The following AKAP11 variants were observed in gnomAD, a reference collection of about 807,000 sequenced individuals.
AKAP11 encodes A-kinase anchor protein 11.
In AKAP11, 36 loss-of-function variants were observed where a neutral mutation model predicts 146.1. That is an observed-to-expected ratio of 0.25 (90% confidence interval 0.19 to 0.33). The LOEUF (loss-of-function observed/expected upper bound fraction) is 0.33. AKAP11 is among the 10% of genes least tolerant of loss of function. The pLI, the probability that AKAP11 is intolerant of heterozygous loss-of-function variation, is 1.00. For synonymous variants in AKAP11, 780 were observed against 786.5 expected (o/e 0.99, Z 0.14); for missense variants, 2,201 against 2,197.0 (o/e 1.00, Z -0.04).
chr13:42,278,403 AG>A (rs1014369146), intron 1 of AKAP11, among the ~76,000 whole-genome samples: 2 of 152,168 alleles, frequency 1.3e-5, no homozygotes. Flanking sequence ...ATTTGCAAAA[AG>A]GGGGATAACA....
intron 4 of AKAP11, among the ~76,000 whole-genome samples, 178 bp from the exon 5 acceptor site, chr13:42,295,517 C>T (rs1035486738): frequency 6.6e-6 from 1 of 152,056 alleles, no homozygotes; most frequent in African/African-American, 2.4e-5. Flanking sequence ...GGTTTAAGAA[C>T]TGCGTTTTGG....
At chr13:42,280,537 C>G (rs118061276) in intron 1 of AKAP11, among the ~76,000 whole-genome samples, 6 of 152,258 alleles carry the variant, frequency 3.9e-5, no homozygotes, top group Non-Finnish European at 7.4e-5. Context: ...GAACTTTGTT[C>G]TTTAAATATG....
chr13:42,292,550 T>C, intron 4 of AKAP11, 49 bp downstream of exon 4: 1 of 1,144,794 alleles, frequency 8.7e-7, no homozygotes, highest in South Asian at 1.7e-5. Context: ...CACAGCATAT[T>C]TTCATGCATC....
chr13:42,306,286 C>T (rs1165178137), intron 8 of AKAP11, among the ~76,000 whole-genome samples: 1 of 152,080 alleles, frequency 6.6e-6, no homozygotes, highest in East Asian at 1.9e-4. Context: ...GGCTATTTTA[C>T]TTTTTACTCC....
At position 42,321,579 on chromosome 13, in the gene AKAP11, C is replaced by T. The variant is rs961198161; in HGVS notation, c.*2351C>T. ...TGTGAAAACAAGTGTCAAAATTCCT[C>T]ATATAGAGAAAATAATTTTGAGTTT... On this transcript the variant is annotated 3_prime_UTR_variant, in exon 13 of 13. Coordinates refer to ENST00000025301, the MANE Select transcript of AKAP11 (RefSeq NM_016248.4). 3 of 152,202 alleles carry T rather than the reference C, an allele frequency of 2.0e-5. No individual in the cohort carries two copies. Among genetic ancestry groups the T allele is most frequent in the East Asian group, 1.9e-4 (1 of 5,300 alleles). 9.4% of individuals were successfully genotyped at this position (152,202 alleles called of 1,614,324 possible).
In AKAP11 at chr13:42,294,719, A is replaced by G. The variant is rs1358892077; in HGVS notation, c.169-976A>G. The stretch of plus-strand genomic sequence containing the variant: ...CCTGGCCAGTATATATTCTTTGTAG[A>G]AAAATAAGAAATACTCAAAGTAGAA... On this transcript the variant is annotated intron_variant, in intron 4 of 12. Coordinates refer to ENST00000025301, the MANE Select transcript of AKAP11 (RefSeq NM_016248.4). Among the ~76,000 whole-genome samples, 3 of 152,140 alleles carry G rather than the reference A, an allele frequency of 2.0e-5. No homozygotes were observed. The East Asian group carries it at 5.8e-4, about 29-fold the overall frequency.
At position 42,299,607 on chromosome 13, in the gene AKAP11, T is replaced by G; in HGVS notation, c.861T>G (p.Ala287=). The change falls in exon 8 of 13, where the codon GCT becomes GCG. Residue 287 remains alanine, a synonymous_variant. Transcript: ENST00000025301. ...GGAGTTTCTATAGGTCATCTAATGC[T>G]TCAGATAAAGATAGTGATTTACAGA... ...TQRSFYRSSN[A]SDKDSDLQKT... 6.2e-7 allele frequency: 1 copy of G among 1,613,998 alleles called. No individual in the cohort carries two copies. Among genetic ancestry groups the G allele is most frequent in the Non-Finnish European group, 8.5e-7 (1 of 1,179,896 alleles).
rs546599435 is a variant in AKAP11 at position 42,298,890 on chromosome 13, G to T, written c.616+93G>T. Reference sequence around the variant, plus strand: ...GCAGGCTTGTTCAGTTGAAATTTATGTTGAGATTTGATTCAATTTAAACCT... The same window carrying T: ...GCAGGCTTGTTCAGTTGAAATTTATTTTGAGATTTGATTCAATTTAAACCT... On this transcript the variant is annotated intron_variant, in intron 7 of 12. Transcript: ENST00000025301. 4.7e-6 allele frequency: 6 copies of T among 1,275,440 alleles called. No individual in the cohort carries two copies. The African/African-American group carries it at 7.8e-5, about 17-fold the overall frequency. 79.0% of individuals were successfully genotyped at this position (1,275,440 alleles called of 1,614,324 possible).
Position 42,313,915 on chromosome 13 carries a change from T to C in AKAP11, c.5379T>C (p.Asp1793=). ...TAAGTGATGGACCAGATGATAAAGA[T>C]GAAGAGCATGAGGACGAAGTAGAAG... The part of the protein sequence containing the change: ...TSDSDGPDDK[D]EEHEDEVEGL... The change falls in exon 11 of 13, where the codon GAT becomes GAC. Residue 1793 remains aspartate (D), a synonymous_variant. Coordinates refer to ENST00000025301, the MANE Select transcript of AKAP11 (RefSeq NM_016248.4). The C allele has an allele frequency of 6.2e-7, 1 of 1,613,844 alleles. No homozygotes were observed. The highest frequency in any genetic ancestry group is 8.5e-7 in the Non-Finnish European group (1 of 1,179,824).
Position 42,300,757 on chromosome 13 carries a change from C to T in AKAP11, c.2011C>T (p.Pro671Ser). The change falls in exon 8 of 13, where the codon CCT becomes TCT. Residue 671 changes from proline (P) to serine (S), a missense_variant. Pro to Ser is a moderately conservative substitution (Grantham distance 74, BLOSUM62 -1). This residue lies in a region of AKAP11 where 1,867 missense variants were observed against 1,833.5 expected (regional missense o/e 1.02). Coordinates refer to ENST00000025301, the MANE Select transcript of AKAP11 (RefSeq NM_016248.4). Reference sequence around the variant, plus strand: ...GTGTCAGTTTTCATATCCTCAAACGCCTGCATCTCCACAGTGTGGGTCGTT... The same window carrying T: ...GTGTCAGTTTTCATATCCTCAAACGTCTGCATCTCCACAGTGTGGGTCGTT... ...EVCQFSYPQT[P>S]ASPQCGSFDF... 5.0e-6 allele frequency: 8 copies of T among 1,614,072 alleles called. No individual in the cohort carries two copies. Among genetic ancestry groups the T allele is most frequent in the Non-Finnish European group, 6.8e-6 (8 of 1,179,944 alleles).
chr13:42,273,254 G>T (rs757014167), intron 1 of AKAP11, among the ~76,000 whole-genome samples: 1 of 151,946 alleles, frequency 6.6e-6, no homozygotes, highest in Non-Finnish European at 1.5e-5. Flanking sequence ...GAAAAAATGG[G>T]GTATCAGTAA....
intron 8 of AKAP11, among the ~76,000 whole-genome samples, chr13:42,306,633 G>A (rs1041342817): frequency 2.6e-5 from 4 of 152,150 alleles, no homozygotes; most frequent in South Asian, 2.1e-4. Flanking sequence ...TAGAGTTTAC[G>A]TTTAACATTT....
At chr13:42,282,955 G>A (rs1338878077) in intron 1 of AKAP11, among the ~76,000 whole-genome samples, 1 of 152,194 alleles carries the variant, frequency 6.6e-6, no homozygotes, top group Admixed American at 6.5e-5. Flanking sequence ...TAATACAAAT[G>A]TATTTTAGGT....
intron 11 of AKAP11, 78 bp downstream of exon 11, chr13:42,314,018 C>T: frequency 3.6e-6 from 5 of 1,395,032 alleles, no homozygotes; most frequent in Non-Finnish European, 5.1e-6. Flanking sequence ...GCATTTTCAT[C>T]AGATAGGCTC....
chr13:42,297,469 A>G (rs553036670), intron 6 of AKAP11, among the ~76,000 whole-genome samples: 1 of 152,030 alleles, frequency 6.6e-6, no homozygotes, highest in African/African-American at 2.4e-5. Flanking sequence ...GGATTTCTTG[A>G]ACTACTTTTA....
chr13:42,279,961 A>C (rs1017393329), intron 1 of AKAP11, among the ~76,000 whole-genome samples: 1 of 152,138 alleles, frequency 6.6e-6, no homozygotes, highest in East Asian at 1.9e-4. Flanking sequence ...TAAGGCTGCT[A>C]CTTCTTCTGA....
Position 42,320,020 on chromosome 13 carries a change from GTTAAAAT to G in AKAP11, c.*799_*805del, listed in dbSNP as rs1366802095. ...ACTGTTTTCTTTTTAGAAACCCACT[GTTAAAAT>G]TTAAAAAGGTGCTTTAAAATAAAAC... On this transcript the variant is annotated 3_prime_UTR_variant, in exon 13 of 13. Transcript: ENST00000025301. 1 of 151,176 alleles carries G rather than the reference GTTAAAAT, an allele frequency of 6.6e-6. No individual in the cohort carries two copies. The highest frequency in any genetic ancestry group is 2.4e-5 in the African/African-American group (1 of 41,088). 9.4% of individuals were successfully genotyped at this position (151,176 alleles called of 1,614,324 possible). A position where few individuals can be genotyped will look rare whatever the true frequency, so the allele number is the denominator to read the frequency against.
intron 8 of AKAP11, 55 bp downstream of exon 8, chr13:42,303,918 T>G: frequency 2.7e-6 from 4 of 1,504,454 alleles, no homozygotes; most frequent in Non-Finnish European, 3.5e-6. Flanking sequence ...ATAAATGTGA[T>G]CCTATATGTC....
chr13:42,304,709 C>A (rs1354316239), intron 8 of AKAP11, among the ~76,000 whole-genome samples: 6 of 151,902 alleles, frequency 3.9e-5, no homozygotes, highest in Non-Finnish European at 7.4e-5. Context: ...TCTGGTAGTC[C>A]TACAGTGTCC....
Sources: gnomAD v4.1 joint callset for allele counts (sites outside exome capture counted in the v4.1 genomes callset) on GRCh38, gnomAD v4.1.1 for gene constraint, gnomAD v4.1.1 regional missense constraint, MANE v1.5 for transcripts, NCBI Gene and HGNC (gene_info 2026-07-23, HGNC 2026-07-21) for gene names.